LAP3: variants seen among roughly 807,000 people sequenced by gnomAD.
LAP3 encodes the protein leucine aminopeptidase 3, also known as cytosol aminopeptidase.
In LAP3, 46 loss-of-function variants were observed where a neutral mutation model predicts 58.8. That is an observed-to-expected ratio of 0.78 (90% CI 0.62 to 1.00). The LOEUF is 1.00. Among genes scored for constraint, LAP3 ranks in the 50% least tolerant of loss-of-function variants. LAP3 has a pLI of 0.00. For missense variants in LAP3, 615 were observed against 659.1 expected, an observed-to-expected ratio of 0.93 and a Z score of 0.73; for synonymous variants, 257 against 237.7, an observed-to-expected ratio of 1.08 and a Z score of -0.75.
At chr4:17,607,304 T>G in intron 12 of LAP3, 96 bp from the exon 13 acceptor site, 1 of 1,013,654 alleles carries the variant, frequency 9.9e-7, no homozygotes, top group African/African-American at 1.6e-5. Context: ...CAAGCTTGAC[T>G]CTTGTTCTTT....
Position 17,596,339 on chromosome 4 carries a change from G to A in LAP3, c.989-707G>A, listed in dbSNP as rs950772781. Among the ~76,000 whole-genome samples, 20 of 152,030 alleles carry A rather than the reference G, an allele frequency of 1.3e-4. 1 individual carries two copies. In the East Asian group the frequency reaches 3.7e-3, roughly 28 times the overall value. ...TATTTATTTATATTTAGGTTTTTTTGGTTTTTTGGTTTTTTTTGAGATGGA... is the reference window on the plus strand; with the variant it reads ...TATTTATTTATATTTAGGTTTTTTTAGTTTTTTGGTTTTTTTTGAGATGGA... On this transcript the variant is annotated intron_variant, in intron 8 of 12. Coordinates refer to ENST00000226299, the MANE Select transcript of LAP3 (RefSeq NM_015907.3).
In LAP3 at chr4:17,582,300, G is replaced by A. The variant is rs75873002; in HGVS notation, c.286G>A (p.Val96Met). 123 of 1,614,000 alleles carry A rather than the reference G, an allele frequency of 7.6e-5. No homozygotes were observed. The African/African-American group carries it at 1.5e-3, about 20-fold the overall frequency. The change falls in exon 4 of 13, where the codon GTG (valine) becomes ATG (methionine). Residue 96 changes from valine to methionine, a missense_variant. Val to Met is a conservative substitution (Grantham distance 21, BLOSUM62 1). Coordinates refer to ENST00000226299, the MANE Select transcript of LAP3 (RefSeq NM_015907.3). The stretch of plus-strand genomic sequence containing the variant: ...ATCTGTGGGACAGGACTTCCCCAGC[G>A]TGGTGCTAGTTGGCCTCGGCAAAAA... The part of the protein sequence containing the change: ...FYGLHQDFPS[V>M]VLVGLGKKAA...
chr4:17,603,535 G>A (rs144219703), intron 10 of LAP3, among the ~76,000 whole-genome samples: 2,287 of 146,960 alleles, frequency 0.016, 68 homozygotes, highest in African/African-American at 0.055. Flanking sequence ...ACAGAGTTTC[G>A]CTCTTGTTGC....
At chr4:17,578,513 G>C (rs1167071162) in intron 1 of LAP3, among the ~76,000 whole-genome samples, 1 of 148,390 alleles carries the variant, frequency 6.7e-6, no homozygotes, top group African/African-American at 2.5e-5. Flanking sequence ...ACTGCTGGGC[G>C]GGAAGACATC....
At chr4:17,597,745 C>G (rs1051034494) in intron 9 of LAP3, among the ~76,000 whole-genome samples, 2 of 152,208 alleles carry the variant, frequency 1.3e-5, no homozygotes, top group African/African-American at 4.8e-5. Flanking sequence ...TGTGGGCTAT[C>G]TTCTGGATAT....
chr4:17,602,249 T>C (rs1016031950), intron 10 of LAP3, among the ~76,000 whole-genome samples: 13 of 152,194 alleles, frequency 8.5e-5, no homozygotes, highest in African/African-American at 3.1e-4. Flanking sequence ...CCAGGCAGTG[T>C]GCTTTCTGGG....
At chr4:17,601,313 A>G (rs1348941210) in intron 10 of LAP3, among the ~76,000 whole-genome samples, 2 of 152,198 alleles carry the variant, frequency 1.3e-5, no homozygotes, top group African/African-American at 4.8e-5. Flanking sequence ...TATAGAGAAT[A>G]AACTATTTAG....
At chr4:17,601,382 T>G (rs999124226) in intron 10 of LAP3, among the ~76,000 whole-genome samples, 1 of 152,190 alleles carries the variant, frequency 6.6e-6, no homozygotes, top group African/African-American at 2.4e-5. Context: ...TAAATACTTA[T>G]GTCTGCCATT....
chr4:17,600,639 G>A (rs1040421118), intron 10 of LAP3, among the ~76,000 whole-genome samples: 1 of 152,134 alleles, frequency 6.6e-6, no homozygotes. Flanking sequence ...GTAAGCAAGG[G>A]TGACCTTCTG....
Position 17,594,612 on chromosome 4 carries a change from G to A in LAP3, c.864-798G>A, listed in dbSNP as rs1230290760. On this transcript the variant is annotated intron_variant, in intron 7 of 12. Transcript: ENST00000226299. ...ACTAGCTAGTTAGAAGCCTCTGGGGGTCAGGTAGTTTGGTTTCTTGCTAAT... is the reference window on the plus strand; with the variant it reads ...ACTAGCTAGTTAGAAGCCTCTGGGGATCAGGTAGTTTGGTTTCTTGCTAAT... 2.0e-5 allele frequency among the ~76,000 whole-genome samples: 3 copies of A among 152,194 alleles called. No homozygotes were observed. The South Asian group carries it at 6.2e-4, about 31-fold the overall frequency.
At chr4:17,598,428 C>T in intron 9 of LAP3, 28 bp from the exon 10 acceptor site, 3 of 1,506,694 alleles carry the variant, frequency 2.0e-6, no homozygotes, top group Non-Finnish European at 9.2e-7. Context: ...CTTGCGCTGT[C>T]ACCCTTTCTG....
intron 10 of LAP3, among the ~76,000 whole-genome samples, chr4:17,604,274 A>G (rs972346873): frequency 6.7e-6 from 1 of 148,204 alleles, no homozygotes; most frequent in Non-Finnish European, 1.5e-5. Flanking sequence ...CTTTCTCAAA[A>G]AAAAAAAAAA....
chr4:17,581,072 A>T (rs998862077), intron 2 of LAP3, among the ~76,000 whole-genome samples: 4 of 152,206 alleles, frequency 2.6e-5, no homozygotes, highest in African/African-American at 9.7e-5. Flanking sequence ...TTGCTAATGG[A>T]TGGCTGTCAG....
chr4:17,607,749 C>A lies in LAP3; in HGVS notation c.*160C>A, dbSNP rs563417724. ...GTATGCCTTGATTTTTTTTTCATTT[C>A]ACACAAAGATTTATAAAGGTAAAGT... On this transcript the variant is annotated 3_prime_UTR_variant, in exon 13 of 13. Coordinates refer to ENST00000226299, the MANE Select transcript of LAP3 (RefSeq NM_015907.3). The A allele has an allele frequency of 2.8e-5, 15 of 539,284 alleles. No individual in the cohort carries two copies. The African/African-American group carries it at 2.9e-4, about 10-fold the overall frequency. 33.4% of individuals were successfully genotyped at this position (539,284 alleles called of 1,614,324 possible). A position where few individuals can be genotyped will look rare whatever the true frequency, so the allele number is the denominator to read the frequency against.
At chr4:17,579,596 G>A (rs557386366) in intron 1 of LAP3, among the ~76,000 whole-genome samples, 33 of 152,212 alleles carry the variant, frequency 2.2e-4, no homozygotes, top group Non-Finnish European at 4.0e-4. Context: ...CCAGGGCAAT[G>A]TCCAGGACGG....
intron 6 of LAP3, among the ~76,000 whole-genome samples, chr4:17,588,513 A>G (rs1385326325): frequency 6.6e-6 from 1 of 152,180 alleles, no homozygotes. Context: ...AATTAATTAT[A>G]TAGACTGTAG....
intron 10 of LAP3, among the ~76,000 whole-genome samples, chr4:17,603,964 A>C (rs1714047215): frequency 6.6e-6 from 1 of 151,714 alleles, no homozygotes; most frequent in Non-Finnish European, 1.5e-5. Context: ...AGTAGCTGGG[A>C]TTACAGGCAC....
chr4:17,583,744 G>A lies in LAP3; in HGVS notation c.539+102G>A, dbSNP rs189826285. ...GCTTTTCAGCGCCACCCACAGCTGC[G>A]TGGCTTGGCTGTGACCTCCCCATTG... On this transcript the variant is annotated intron_variant, in intron 5 of 12. Coordinates refer to ENST00000226299, the MANE Select transcript of LAP3 (RefSeq NM_015907.3). The A allele has an allele frequency of 5.5e-4, 738 of 1,344,462 alleles. 1 individual carries two copies. The East Asian group carries it at 7.8e-3, about 14-fold the overall frequency. The allele number at this position is 1,344,462 out of a possible 1,614,324, so 83.3% of individuals were successfully genotyped here.
rs55676326 is a variant in LAP3 at position 17,593,609 on chromosome 4, G to GTTTT, written c.864-1784_864-1781dup. On this transcript the variant is annotated intron_variant, in intron 7 of 12. Transcript: ENST00000226299. ...CATATACATTTTAGAATCTGCTTGG[G>GTTTT]TTTTTTTTTTTTTTTTTTTTGAGAC... Among the ~76,000 whole-genome samples, 49 of 87,596 alleles carry GTTTT rather than the reference G, an allele frequency of 5.6e-4. 15 individuals are homozygous for GTTTT. The highest frequency in any genetic ancestry group is 8.9e-4 in the Admixed American group (5 of 5,594). The allele number at this position is 87,596 out of a possible 152,430, so 57.5% of individuals were successfully genotyped here. A position where few individuals can be genotyped will look rare whatever the true frequency, so the allele number is the denominator to read the frequency against.
Sources: allele counts gnomAD v4.1 joint callset (sites outside exome capture counted in the v4.1 genomes callset), GRCh38; gene constraint gnomAD v4.1.1; transcripts MANE v1.5; gene names NCBI Gene and HGNC (gene_info 2026-07-23, HGNC 2026-07-21).